Variants in MAL2 observed in about 807,000 individuals in gnomAD.
MAL2 encodes protein MAL2.
In MAL2, 17 loss-of-function variants were observed where a neutral mutation model predicts 18.1. The ratio of observed to expected loss-of-function variants is 0.94; its 90% CI spans 0.64 to 1.41. The LOEUF (loss-of-function observed/expected upper bound fraction) is 1.41, where lower values mean the gene tolerates loss of function less well. MAL2 is among the 40% of genes most tolerant of loss of function. MAL2 has a pLI of 0.00. For missense variants in MAL2, 222 were observed against 231.9 expected, an observed-to-expected ratio of 0.96 and a Z score of 0.28; for synonymous variants, 102 against 102.3, an observed-to-expected ratio of 1.00 and a Z score of 0.02.
chr8:119,234,401 C>G (rs1232647440), intron 2 of MAL2, among the ~76,000 whole-genome samples: 3 of 152,216 alleles, frequency 2.0e-5, no homozygotes, highest in Non-Finnish European at 2.9e-5. Flanking sequence ...CGCCATTGCC[C>G]AGGCTTGCTT....
intron 1 of MAL2, among the ~76,000 whole-genome samples, chr8:119,219,772 A>G (rs950719393): frequency 6.6e-6 from 1 of 152,146 alleles, no homozygotes; most frequent in African/African-American, 2.4e-5. Context: ...GCAGATGGAG[A>G]GCCAAAGGGA....
rs60554580 is a variant in MAL2, at chr8:119,229,313, CTTT to C, written c.303+7571_303+7573del. 5.2e-4 allele frequency among the ~76,000 whole-genome samples: 72 copies of C among 137,466 alleles called. No homozygotes were observed. The East Asian group carries it at 9.0e-3, about 17-fold the overall frequency. The allele number at this position is 137,466 out of a possible 152,430, so 90.2% of individuals were successfully genotyped here. A position where few individuals can be genotyped will look rare whatever the true frequency, so the allele number is the denominator to read the frequency against. ...CTATGTATATTCTCACTGTGGGCCT[CTTT>C]TTTTTTTTTTTTTTGAGACAGAGTC... On this transcript the variant is annotated intron_variant, in intron 2 of 3. Coordinates refer to ENST00000614891, the MANE Select transcript of MAL2 (RefSeq NM_052886.3).
chr8:119,227,942 CT>C (rs1587130963), intron 2 of MAL2, among the ~76,000 whole-genome samples: 1 of 152,120 alleles, frequency 6.6e-6, no homozygotes, highest in African/African-American at 2.4e-5. Flanking sequence ...AATCTCATTC[CT>C]GAGAGAGTCA....
At chr8:119,238,792 C>T (rs1817974418) in intron 2 of MAL2, among the ~76,000 whole-genome samples, 1 of 150,936 alleles carries the variant, frequency 6.6e-6, no homozygotes. Flanking sequence ...GGATTAAAGA[C>T]TTAAACCTTA....
Position 119,225,842 on chromosome 8 carries a change from G to A in MAL2, c.303+4085G>A, listed in dbSNP as rs370595836. On this transcript the variant is annotated intron_variant, in intron 2 of 3. Coordinates refer to ENST00000614891, the MANE Select transcript of MAL2 (RefSeq NM_052886.3). ...TGGTGTGAGATGGTATCTCATTGTG[G>A]TTTTGATTTGCATTTCTCTGATGGT... is the stretch of plus-strand genomic sequence containing the variant. Among the ~76,000 whole-genome samples the A allele has an allele frequency of 8.3e-3, 1,270 of 152,230 alleles. 40 individuals are homozygous for A. In the East Asian group the frequency reaches 0.086, roughly 10 times the overall value.
chr8:119,237,936 C>A (rs1477285012), intron 2 of MAL2, among the ~76,000 whole-genome samples: 2 of 152,152 alleles, frequency 1.3e-5, no homozygotes, highest in East Asian at 3.8e-4. Flanking sequence ...AAGTTCTGGC[C>A]AGGGCCATCA....
At chr8:119,230,578 T>C (rs1437947265) in intron 2 of MAL2, among the ~76,000 whole-genome samples, 1 of 152,028 alleles carries the variant, frequency 6.6e-6, no homozygotes, top group Non-Finnish European at 1.5e-5. Flanking sequence ...GTGGGTGACA[T>C]TGAAAAAGGT....
chr8:119,232,831 C>T (rs189471485), intron 2 of MAL2, among the ~76,000 whole-genome samples: 2,324 of 152,196 alleles, frequency 0.015, no homozygotes, highest in African/African-American at 0.053. Flanking sequence ...TCTATGGCAT[C>T]TTAATCCAAA....
intron 2 of MAL2, among the ~76,000 whole-genome samples, chr8:119,231,022 G>GTT (rs962981879): frequency 1.3e-5 from 2 of 151,124 alleles, no homozygotes; most frequent in African/African-American, 4.9e-5. Context: ...TGTGAGAACA[G>GTT]TTTTTTTTTT....
At position 119,239,242 on chromosome 8, in the gene MAL2, T is replaced by G. The variant is rs537729029; in HGVS notation, c.304-923T>G. Among the ~76,000 whole-genome samples, 19 of 152,268 alleles carry G rather than the reference T, an allele frequency of 1.2e-4. No individual in the cohort carries two copies. In the South Asian group the frequency reaches 3.9e-3, roughly 32 times the overall value. ...ACAATGAGATATCATCTCATACCAG[T>G]TAGAATGGCAATCATTAAAAAGTCA... On this transcript the variant is annotated intron_variant, in intron 2 of 3. Coordinates refer to ENST00000614891, the MANE Select transcript of MAL2 (RefSeq NM_052886.3).
intron 1 of MAL2, among the ~76,000 whole-genome samples, chr8:119,219,126 A>G (rs1817414005): frequency 6.6e-6 from 1 of 152,192 alleles, no homozygotes; most frequent in Non-Finnish European, 1.5e-5. Context: ...TAAATGTTTA[A>G]GATGCACTGA....
intron 1 of MAL2, among the ~76,000 whole-genome samples, chr8:119,215,817 G>A (rs1207071361): frequency 6.6e-6 from 1 of 152,142 alleles, no homozygotes; most frequent in Non-Finnish European, 1.5e-5. Flanking sequence ...GAGGGGGGCA[G>A]CAGTATGCCT....
Position 119,243,462 on chromosome 8 carries a change from C to T in MAL2, c.505C>T (p.Leu169=), listed in dbSNP as rs1818089679. Residue 169 remains leucine, a synonymous_variant, in exon 4 of 4, where the codon CTG becomes TTG. Coordinates refer to ENST00000614891, the MANE Select transcript of MAL2 (RefSeq NM_052886.3). ...AGCTTGTTATGGTTGCAGTTTGGGTCTGGCTTTACGAAGATGGCGACCGTA... is the reference window on the plus strand; with the variant it reads ...AGCTTGTTATGGTTGCAGTTTGGGTTTGGCTTTACGAAGATGGCGACCGTA... ...TTACYGCSLG[L]ALRRWRP 2 of 1,601,520 alleles carry T rather than the reference C, an allele frequency of 1.2e-6. No individual in the cohort carries two copies. The highest frequency in any genetic ancestry group is 1.1e-5 in the South Asian group (1 of 88,632).
In MAL2 at chr8:119,208,677, G is replaced by T. The variant is rs1817224205; in HGVS notation, c.132+73G>T. 8.1e-7 allele frequency: 1 copy of T among 1,227,316 alleles called. No individual in the cohort carries two copies. The highest frequency in any genetic ancestry group is 3.7e-5 in the South Asian group (1 of 27,332). The allele number at this position is 1,227,316 out of a possible 1,614,324, so 76.0% of individuals were successfully genotyped here. A position where few individuals can be genotyped will look rare whatever the true frequency, so the allele number is the denominator to read the frequency against. On this transcript the variant is annotated intron_variant, in intron 1 of 3. Transcript: ENST00000614891. The surrounding 1 kb of genome is among the most constrained non-coding windows in gnomAD (Gnocchi z 4.3). Reference sequence around the variant, plus strand: ...CGGCGGCATCCTTGTCCCCCGGGCTGTCTTCCTCTGCGTCCGCCCCCGGCC... The same window carrying T: ...CGGCGGCATCCTTGTCCCCCGGGCTTTCTTCCTCTGCGTCCGCCCCCGGCC...
At chr8:119,239,666 A>T (rs1041379255) in intron 2 of MAL2, among the ~76,000 whole-genome samples, 1 of 151,694 alleles carries the variant, frequency 6.6e-6, no homozygotes. Flanking sequence ...AAACTATCGC[A>T]AGAACAAAAA....
At chr8:119,216,096 A>G (rs1483069160) in intron 1 of MAL2, among the ~76,000 whole-genome samples, 2 of 152,164 alleles carry the variant, frequency 1.3e-5, no homozygotes. Context: ...ATCCATTAAA[A>G]TAGAAGGGGT....
chr8:119,216,610 A>AT (rs1034965974), intron 1 of MAL2, among the ~76,000 whole-genome samples: 2 of 152,116 alleles, frequency 1.3e-5, no homozygotes, highest in African/African-American at 4.8e-5. Flanking sequence ...GAAGACAAAT[A>AT]TTTTTTTGCT....
At chr8:119,232,552 A>G (rs956409861) in intron 2 of MAL2, among the ~76,000 whole-genome samples, 12 of 152,174 alleles carry the variant, frequency 7.9e-5, no homozygotes, top group Non-Finnish European at 1.2e-4. Context: ...AGCCTAATAA[A>G]CGAGTTCTTA....
intron 2 of MAL2, among the ~76,000 whole-genome samples, chr8:119,239,258 TAA>T (rs1322404905): frequency 6.6e-6 from 1 of 152,024 alleles, no homozygotes; most frequent in Non-Finnish European, 1.5e-5. Flanking sequence ...TGGCAATCAT[TAA>T]AAAGTCAGGA....
Sources: allele counts gnomAD v4.1 joint callset (sites outside exome capture counted in the v4.1 genomes callset), GRCh38; gene constraint gnomAD v4.1.1; non-coding constraint Gnocchi (gnomAD v3.1); transcripts MANE v1.5; gene names NCBI Gene and HGNC (gene_info 2026-07-23, HGNC 2026-07-21).